Variants in PLCB4 observed in about 807,000 individuals in gnomAD.
PLCB4 encodes the protein 1-phosphatidylinositol 4,5-bisphosphate phosphodiesterase beta-4.
In PLCB4, 77 loss-of-function variants were observed where a neutral mutation model predicts 178.8. That is an observed-to-expected ratio of 0.43 (90% CI 0.36 to 0.52). The LOEUF (loss-of-function observed/expected upper bound fraction) is 0.52, where lower values mean the gene tolerates loss of function less well. Ranked by LOEUF, PLCB4 falls within the 20% of genes least tolerant of loss-of-function variation. PLCB4 has a pLI of 0.00. For synonymous variants in PLCB4, 496 were observed against 490.8 expected, an observed-to-expected ratio of 1.01 and a Z score of -0.14; for missense variants, 1,024 against 1,453.4, an observed-to-expected ratio of 0.70 and a Z score of 4.80.
At chr20:9,213,057 TAGTGGAC>T (rs2093689184) in intron 2 of PLCB4, among the ~76,000 whole-genome samples, 1 of 151,600 alleles carries the variant, frequency 6.6e-6, no homozygotes, top group Non-Finnish European at 1.5e-5. Flanking sequence ...GATTTGCCTG[TAGTGGAC>T]ATTTCATATA....
chr20:9,220,661 C>T (rs1034517947), intron 3 of PLCB4, among the ~76,000 whole-genome samples: 3 of 152,160 alleles, frequency 2.0e-5, no homozygotes, highest in Admixed American at 2.0e-4. Flanking sequence ...TAATTATATA[C>T]AGAATTTATA....
chr20:9,471,205 T>A (rs776256622), intron 36 of PLCB4, among the ~76,000 whole-genome samples: 2 of 152,070 alleles, frequency 1.3e-5, no homozygotes, highest in Non-Finnish European at 2.9e-5. Context: ...TTAAAAGATG[T>A]GAAAATTAAT....
intron 21 of PLCB4, among the ~76,000 whole-genome samples, chr20:9,406,748 G>C (rs981392923): frequency 2.0e-5 from 3 of 152,144 alleles, no homozygotes; most frequent in Non-Finnish European, 4.4e-5. Context: ...ACCCGCCTCA[G>C]CCTCCCAAAG....
intron 2 of PLCB4, among the ~76,000 whole-genome samples, chr20:9,180,773 C>A (rs577898205): frequency 6.6e-6 from 1 of 152,310 alleles, no homozygotes; most frequent in Admixed American, 6.5e-5. Flanking sequence ...CAAGAAAAAG[C>A]TCCTCAGATT....
chr20:9,280,065 G>GC (rs1568515247), intron 3 of PLCB4, among the ~76,000 whole-genome samples: 1 of 152,026 alleles, frequency 6.6e-6, no homozygotes, highest in Non-Finnish European at 1.5e-5. Flanking sequence ...AAATGGTAAA[G>GC]CCAAGGCACT....
chr20:9,191,270 T>A (rs1359688336), intron 2 of PLCB4, among the ~76,000 whole-genome samples: 2 of 150,524 alleles, frequency 1.3e-5, no homozygotes, highest in African/African-American at 2.4e-5. Context: ...GTGATGGGAC[T>A]AAGAGATGGG....
intron 25 of PLCB4, among the ~76,000 whole-genome samples, chr20:9,416,803 T>C (rs1372381157): frequency 6.6e-6 from 1 of 152,236 alleles, no homozygotes; most frequent in African/African-American, 2.4e-5. Flanking sequence ...TAAATGTCTA[T>C]ATTCTTGATA....
chr20:9,420,056 G>A, intron 26 of PLCB4, 147 bp downstream of exon 26: 1 of 501,654 alleles, frequency 2.0e-6, no homozygotes, highest in Non-Finnish European at 3.5e-6. Flanking sequence ...TAAAAAATGA[G>A]ACCCATTTTT....
chr20:9,224,392 T>C (rs767648553), intron 3 of PLCB4, among the ~76,000 whole-genome samples: 2 of 152,172 alleles, frequency 1.3e-5, no homozygotes, highest in Non-Finnish European at 2.9e-5. Context: ...TGGCCAACCC[T>C]GGCCCTCTGT....
chr20:9,356,980 G>A (rs999296078), intron 7 of PLCB4, among the ~76,000 whole-genome samples: 3 of 152,184 alleles, frequency 2.0e-5, no homozygotes, highest in Admixed American at 2.0e-4. Context: ...GCTGGGTGTG[G>A]TGGCTCACAC....
chr20:9,129,712 A>C (rs1266327159), intron 2 of PLCB4, among the ~76,000 whole-genome samples: 1 of 152,174 alleles, frequency 6.6e-6, no homozygotes, highest in Non-Finnish European at 1.5e-5. Context: ...GTTCCGAATA[A>C]AATTAAATCT....
chr20:9,439,208 T>C (rs745426403), intron 30 of PLCB4, among the ~76,000 whole-genome samples: 6 of 152,236 alleles, frequency 3.9e-5, no homozygotes, highest in Non-Finnish European at 5.9e-5. Context: ...TCTCTGTGTC[T>C]TGCTTATGCA....
intron 2 of PLCB4, among the ~76,000 whole-genome samples, chr20:9,131,116 A>C (rs1204144175): frequency 1.3e-5 from 2 of 152,152 alleles, no homozygotes; most frequent in African/African-American, 4.8e-5. Flanking sequence ...ACTCTGGGCC[A>C]GATCTGCTCT....
chr20:9,357,111 T>C (rs1338804150), intron 7 of PLCB4, among the ~76,000 whole-genome samples: 1 of 152,142 alleles, frequency 6.6e-6, no homozygotes, highest in Non-Finnish European at 1.5e-5. Flanking sequence ...AACAAAACCC[T>C]GTCTCAAAAC....
intron 4 of PLCB4, among the ~76,000 whole-genome samples, chr20:9,308,841 T>G (rs1368329615): frequency 1.3e-5 from 2 of 152,174 alleles, no homozygotes; most frequent in Non-Finnish European, 2.9e-5. Flanking sequence ...ATGGTTACTA[T>G]TCCTTGTTTG....
intron 19 of PLCB4, among the ~76,000 whole-genome samples, chr20:9,398,761 G>A (rs574898254): frequency 2.6e-5 from 4 of 151,960 alleles, no homozygotes; most frequent in South Asian, 2.1e-4. Context: ...GTGCAGTGGC[G>A]CGATCTCGGC....
chr20:9,313,706 T>C (rs1451231854), intron 4 of PLCB4, among the ~76,000 whole-genome samples: 2 of 152,220 alleles, frequency 1.3e-5, no homozygotes, highest in African/African-American at 4.8e-5. Context: ...AACCTGTTGG[T>C]GCCACTTTAT....
At chr20:9,171,424 TATTCAAAA>T (rs1406120190) in intron 2 of PLCB4, among the ~76,000 whole-genome samples, 3 of 152,220 alleles carry the variant, frequency 2.0e-5, no homozygotes, top group Non-Finnish European at 2.9e-5. Flanking sequence ...AGCAGCTGTC[TATTCAAAA>T]ATTAAAACCA....
chr20:9,365,564 A>G, intron 9 of PLCB4, 50 bp downstream of exon 9: 1 of 1,087,462 alleles, frequency 9.2e-7, no homozygotes, highest in Non-Finnish European at 1.4e-6. Flanking sequence ...AACGCTTGTC[A>G]TCCCAAACCA....
Sources: gnomAD v4.1 joint callset for allele counts (sites outside exome capture counted in the v4.1 genomes callset) on GRCh38, gnomAD v4.1.1 for gene constraint, MANE v1.5 for transcripts, NCBI Gene and HGNC (gene_info 2026-07-23, HGNC 2026-07-21) for gene names.